The following TCF20 variants were observed in gnomAD, a reference collection of about 807,000 sequenced individuals.
TCF20 encodes transcription factor 20, also known as SPRE-binding protein.
TCF20 carries 3 observed loss-of-function variants against 148.6 expected under a neutral mutation model. The ratio of observed to expected loss-of-function variants is 0.02; its 90% CI spans 0.01 to 0.05. The LOEUF (loss-of-function observed/expected upper bound fraction) is 0.05, where lower values mean the gene tolerates loss of function less well. Among genes scored for constraint, TCF20 ranks in the 10% least tolerant of loss-of-function variants. TCF20 has a pLI of 1.00. For missense variants in TCF20, 2,350 were observed against 2,429.3 expected (o/e 0.97, Z 0.69); for synonymous variants, 1,049 against 909.5 (o/e 1.15, Z -2.76).
At chr22:42,188,293 CAAAA>C (rs58945649) in intron 2 of TCF20, among the ~76,000 whole-genome samples, 87 of 49,460 alleles carry the variant, frequency 1.8e-3, no homozygotes, top group African/African-American at 4.7e-3. Flanking sequence ...AACTCCGTCT[CAAAA>C]AAAAAAAAAA....
At position 42,217,696 on chromosome 22, in the gene TCF20, T is replaced by C. The variant is rs145283794; in HGVS notation, c.-36-2355A>G. ...AATTATAGAAAGTGAAAATAGAATA[T>C]GATCAACCTAAAAGCAGAGCTGGAG... On this transcript the variant is annotated intron_variant, in intron 1 of 5. Coordinates refer to ENST00000677622, the MANE Select transcript of TCF20 (RefSeq NM_001378418.1). 4.5e-4 allele frequency among the ~76,000 whole-genome samples: 69 copies of C among 152,232 alleles called. No individual in the cohort carries two copies. In the Middle Eastern group the frequency reaches 0.017, roughly 38 times the overall value.
intron 2 of TCF20, among the ~76,000 whole-genome samples, chr22:42,185,785 C>T (rs1047964076): frequency 1.3e-5 from 2 of 152,182 alleles, no homozygotes; most frequent in African/African-American, 2.4e-5. Flanking sequence ...GATCTCCTTA[C>T]GTTTCTTCAT....
chr22:42,255,815 A>G (rs961981735), intron 1 of TCF20, among the ~76,000 whole-genome samples: 4 of 151,660 alleles, frequency 2.6e-5, no homozygotes, highest in African/African-American at 9.7e-5. Context: ...ATGTATTCAC[A>G]CCTCTCTTCA....
intron 1 of TCF20, among the ~76,000 whole-genome samples, chr22:42,265,140 A>G (rs546817940): frequency 1.3e-5 from 2 of 152,318 alleles, no homozygotes; most frequent in South Asian, 4.1e-4. Context: ...GCTCTTACAC[A>G]GAAAGTACTG....
chr22:42,262,111 A>AT (rs1210844646), intron 1 of TCF20, among the ~76,000 whole-genome samples: 1 of 152,216 alleles, frequency 6.6e-6, no homozygotes, highest in Non-Finnish European at 1.5e-5. Context: ...CAGAAGCCAG[A>AT]TTATTCTGGC....
At chr22:42,283,331 C>T (rs1345037759) in intron 1 of TCF20, among the ~76,000 whole-genome samples, 2 of 152,196 alleles carry the variant, frequency 1.3e-5, no homozygotes, top group African/African-American at 4.8e-5. Context: ...AACCCCCCGC[C>T]GCTCTGCACC....
intron 2 of TCF20, among the ~76,000 whole-genome samples, chr22:42,183,625 A>T (rs1454452937): frequency 6.6e-6 from 1 of 152,250 alleles, no homozygotes; most frequent in Non-Finnish European, 1.5e-5. Flanking sequence ...ATTCCAGCCC[A>T]GTAAGACACC....
chr22:42,247,045 A>G (rs1183375387), intron 1 of TCF20, among the ~76,000 whole-genome samples: 1 of 152,064 alleles, frequency 6.6e-6, no homozygotes, highest in Admixed American at 6.6e-5. Context: ...GTGCACCAGA[A>G]AATTACAAAC....
intron 1 of TCF20, among the ~76,000 whole-genome samples, chr22:42,225,122 A>G (rs1922753578): frequency 6.6e-6 from 1 of 151,232 alleles, no homozygotes; most frequent in Non-Finnish European, 1.5e-5. Context: ...CAGCCTCCCA[A>G]GTAGCTGAGA....
At chr22:42,242,134 C>T (rs150398197) in intron 1 of TCF20, among the ~76,000 whole-genome samples, 8,150 of 134,274 alleles carry the variant, frequency 0.061, 330 homozygotes, top group South Asian at 0.12. Flanking sequence ...ACCCAGGAGG[C>T]GGAGGTTGCA....
chr22:42,216,516 T>C (rs963393484), intron 1 of TCF20, among the ~76,000 whole-genome samples: 4 of 152,110 alleles, frequency 2.6e-5, no homozygotes, highest in African/African-American at 9.7e-5. Flanking sequence ...ACAGCACCCC[T>C]CTCTCCACCA....
upstream of TCF20, among the ~76,000 whole-genome samples, chr22:42,270,707 C>A (rs894191411): frequency 1.3e-5 from 1 of 78,554 alleles, no homozygotes; most frequent in Admixed American, 1.5e-4. Flanking sequence ...CCGCGGCGCG[C>A]GGGCGGGCGG....
intron 2 of TCF20, among the ~76,000 whole-genome samples, chr22:42,184,557 T>G (rs967688894): frequency 6.6e-6 from 1 of 152,162 alleles, no homozygotes; most frequent in Non-Finnish European, 1.5e-5. Flanking sequence ...ATGCTACAAA[T>G]AATATATTAA....
intron 1 of TCF20, among the ~76,000 whole-genome samples, chr22:42,315,933 G>A (rs537784831): frequency 6.6e-6 from 1 of 151,856 alleles, no homozygotes; most frequent in East Asian, 1.9e-4. Context: ...GGCCAACATG[G>A]TGAAATCCCG....
intron 5 of TCF20, among the ~76,000 whole-genome samples, chr22:42,164,552 T>C (rs1234593250): frequency 6.6e-6 from 1 of 152,172 alleles, no homozygotes; most frequent in Non-Finnish European, 1.5e-5. Flanking sequence ...TAACACAGAC[T>C]CACTTGGCAC....
chr22:42,265,138 A>G (rs134874), intron 1 of TCF20, among the ~76,000 whole-genome samples: 96,617 of 152,064 alleles, frequency 0.64, 30,826 homozygotes, highest in East Asian at 0.66. Context: ...TTGCTCTTAC[A>G]CAGAAAGTAC....
At position 42,265,108 on chromosome 22, in the gene TCF20, T is replaced by C. The variant is rs550178302; in HGVS notation, c.-37+5231A>G. ...GTTCATCTTCCTGCTGGGTCACGCA[T>C]ATTACCCAAAAAGCAAACATTGCTC... On this transcript the variant is annotated intron_variant, in intron 1 of 5. Transcript: ENST00000677622. Among the ~76,000 whole-genome samples the C allele has an allele frequency of 2.0e-5, 3 of 152,336 alleles. No homozygotes were observed. In the South Asian group the frequency reaches 6.2e-4, roughly 32 times the overall value.
chr22:42,226,095 T>C (rs1044783919), intron 1 of TCF20, among the ~76,000 whole-genome samples: 3 of 152,166 alleles, frequency 2.0e-5, no homozygotes, highest in African/African-American at 7.2e-5. Context: ...CCCCACTCCA[T>C]GGCTATCTGT....
At chr22:42,333,860 C>A (rs1199309816) in intron 1 of TCF20, among the ~76,000 whole-genome samples, 1 of 152,234 alleles carries the variant, frequency 6.6e-6, no homozygotes, top group Non-Finnish European at 1.5e-5. Flanking sequence ...CACCGGCCCA[C>A]CACGATGGCT....
Sources: gnomAD v4.1 joint callset for allele counts (sites outside exome capture counted in the v4.1 genomes callset) on GRCh38, gnomAD v4.1.1 for gene constraint, MANE v1.5 for transcripts, NCBI Gene and HGNC (gene_info 2026-07-23, HGNC 2026-07-21) for gene names.